TMTC4: variants seen among roughly 807,000 people sequenced by gnomAD.
The protein encoded by TMTC4 is transmembrane O-mannosyltransferase targeting cadherins 4.
In TMTC4, 65 loss-of-function variants were observed where a neutral mutation model predicts 86.0. The ratio of observed to expected loss-of-function variants is 0.76; its 90% CI spans 0.62 to 0.93. The LOEUF (loss-of-function observed/expected upper bound fraction) is 0.93. Ranked by LOEUF, TMTC4 falls within the 40% of genes least tolerant of loss-of-function variation. The probability of loss-of-function intolerance (pLI) is 0.00; values close to 1 mark genes in which losing one functional copy is unlikely to be tolerated. For synonymous variants in TMTC4, 379 were observed against 382.5 expected, an observed-to-expected ratio of 0.99 and a Z score of 0.11; for missense variants, 866 against 948.1, an observed-to-expected ratio of 0.91 and a Z score of 1.14.
intron 12 of TMTC4, among the ~76,000 whole-genome samples, chr13:100,633,622 T>C (rs934398377): frequency 1.3e-5 from 2 of 152,230 alleles, no homozygotes; most frequent in Non-Finnish European, 2.9e-5. Context: ...ACAACAAGGA[T>C]ACATTCTGAG....
chr13:100,673,287 C>T, intron 1 of TMTC4: 3 of 984,910 alleles, frequency 3.0e-6, no homozygotes, highest in Admixed American at 1.2e-4. Context: ...GCCTGGACTG[C>T]GGTAAACAGA....
rs1240855276 is a variant in TMTC4, at chr13:100,668,748, A to T, written c.50T>A (p.Val17Asp). 6.2e-7 allele frequency: 1 copy of T among 1,614,130 alleles called. No homozygotes were observed. Among genetic ancestry groups the T allele is most frequent in the Non-Finnish European group, 8.5e-7 (1 of 1,180,056 alleles). The change falls in exon 3 of 19, where the codon GTT becomes GAT. Residue 17 changes from valine (V) to aspartate (D), a missense_variant. Coordinates refer to ENST00000342624, the MANE Select transcript of TMTC4 (RefSeq NM_032813.5). ...AGTGTCCAACACGGCCATTCTGAAA[A>T]CTGCAGGTTGGTGGCTCCCGGCTCC... ...NAGAGSHQPAVFRMAVLDTDL... is the reference protein window; with the variant it reads ...NAGAGSHQPADFRMAVLDTDL...
chr13:100,612,987 C>G (rs1221645992), intron 16 of TMTC4, among the ~76,000 whole-genome samples: 1 of 152,188 alleles, frequency 6.6e-6, no homozygotes, highest in Non-Finnish European at 1.5e-5. Context: ...TGACACATAA[C>G]TGTACATATT....
chr13:100,607,712 G>T (rs952449878), intron 17 of TMTC4, among the ~76,000 whole-genome samples: 10 of 152,118 alleles, frequency 6.6e-5, no homozygotes, highest in African/African-American at 2.4e-4. Context: ...GTACCCCTGA[G>T]AAATTGGCTG....
At chr13:100,645,444 G>A (rs759291989) in intron 6 of TMTC4, among the ~76,000 whole-genome samples, 1 of 152,198 alleles carries the variant, frequency 6.6e-6, no homozygotes, top group Non-Finnish European at 1.5e-5. Flanking sequence ...ACAGTTAAGA[G>A]AGCAAACACC....
intron 15 of TMTC4, among the ~76,000 whole-genome samples, chr13:100,621,640 T>G (rs1445782243): frequency 6.6e-6 from 1 of 152,314 alleles, no homozygotes; most frequent in South Asian, 2.1e-4. Context: ...TTAGCCAGGA[T>G]GGTCTCGATC....
chr13:100,609,193 C>T lies in TMTC4; in HGVS notation c.2065-2766G>A, dbSNP rs142524994. Among the ~76,000 whole-genome samples the T allele has an allele frequency of 6.2e-4, 94 of 152,254 alleles. 2 individuals are homozygous for T. The highest frequency in any genetic ancestry group is 2.0e-3 in the African/African-American group (81 of 41,538). ...GTGTGGGCCCCACCCTCTAACATACCGGCCAATCTCTCCTTGAAGCTAAGA... is the reference window on the plus strand; with the variant it reads ...GTGTGGGCCCCACCCTCTAACATACTGGCCAATCTCTCCTTGAAGCTAAGA... On this transcript the variant is annotated intron_variant, in intron 17 of 18. Coordinates refer to ENST00000342624, the MANE Select transcript of TMTC4 (RefSeq NM_032813.5).
chr13:100,665,951 A>T (rs1394486309), intron 3 of TMTC4: 2 of 452,048 alleles, frequency 4.4e-6, no homozygotes, highest in Admixed American at 2.4e-5. Flanking sequence ...TGACTCAGTG[A>T]CAAGCCTGGA....
At chr13:100,630,019 C>CTGTGTGTGTGTGTGTGTG (rs377655969) in intron 12 of TMTC4, among the ~76,000 whole-genome samples, 2 of 146,676 alleles carry the variant, frequency 1.4e-5, no homozygotes, top group African/African-American at 5.2e-5. Context: ...GCCACCCAAT[C>CTGTGTGTGTGTGTGTGTG]TGTGTGTATG....
At chr13:100,621,992 C>A (rs575473102) in intron 15 of TMTC4, among the ~76,000 whole-genome samples, 59 of 152,320 alleles carry the variant, frequency 3.9e-4, no homozygotes, top group African/African-American at 1.3e-3. Context: ...ACAGCCTCCC[C>A]TTCCCCCTGG....
intron 5 of TMTC4, 55 bp downstream of exon 5, chr13:100,662,909 G>C: frequency 1.3e-6 from 2 of 1,587,362 alleles, no homozygotes; most frequent in Non-Finnish European, 1.7e-6. Flanking sequence ...GGCGACATGG[G>C]GGTGTCATAT....
In TMTC4 at chr13:100,662,129, G is replaced by T. The variant is rs572670678; in HGVS notation, c.552+835C>A. Among the ~76,000 whole-genome samples, 20 of 151,604 alleles carry T rather than the reference G, an allele frequency of 1.3e-4. No individual in the cohort carries two copies. The South Asian group carries it at 4.0e-3, about 30-fold the overall frequency. ...TCCAGGCCTCCACTGAGGATATGCT[G>T]ATGTATTTGGTGTTGAACTGGAAAG... is the stretch of plus-strand genomic sequence containing the variant. On this transcript the variant is annotated intron_variant, in intron 5 of 18. Coordinates refer to ENST00000342624, the MANE Select transcript of TMTC4 (RefSeq NM_032813.5).
chr13:100,610,964 A>C (rs1283092647), intron 17 of TMTC4, among the ~76,000 whole-genome samples: 1 of 152,228 alleles, frequency 6.6e-6, no homozygotes, highest in Non-Finnish European at 1.5e-5. Flanking sequence ...CTCTTCAAAA[A>C]GCTATTTCTG....
chr13:100,638,386 A>G (rs1364484827), intron 7 of TMTC4: 2 of 167,378 alleles, frequency 1.2e-5, no homozygotes, highest in East Asian at 1.7e-4. Context: ...TTCATGCAAC[A>G]GAGTGTTTTC....
At chr13:100,674,938 A>G (rs1594405787), upstream of TMTC4, 1 of 984,820 alleles carries the variant, frequency 1.0e-6, no homozygotes, top group Non-Finnish European at 1.2e-6. Flanking sequence ...CCTCCGCCCG[A>G]CCATTGGCTG....
chr13:100,662,162 C>T (rs550446471), intron 5 of TMTC4, among the ~76,000 whole-genome samples: 27 of 150,126 alleles, frequency 1.8e-4, no homozygotes, highest in African/African-American at 5.4e-4. Context: ...AAGCGGTGCC[C>T]GTACCCTGCT....
intron 5 of TMTC4, among the ~76,000 whole-genome samples, chr13:100,657,992 CACAA>C (rs1885312088): frequency 2.0e-5 from 3 of 152,096 alleles, no homozygotes; most frequent in South Asian, 2.1e-4. Flanking sequence ...ACCACACACA[CACAA>C]ACACTACCGA....
chr13:100,608,948 G>A (rs1014164287), intron 17 of TMTC4, among the ~76,000 whole-genome samples: 1 of 152,204 alleles, frequency 6.6e-6, no homozygotes, highest in African/African-American at 2.4e-5. Flanking sequence ...TGTATGTCTA[G>A]GCGAGGAAGC....
intron 15 of TMTC4, chr13:100,625,237 C>T (rs187076410): frequency 1.4e-5 from 5 of 348,006 alleles, no homozygotes; most frequent in East Asian, 1.2e-4. Context: ...AGGAAGTTAC[C>T]CATTGGAGTG....
Sources: allele counts gnomAD v4.1 joint callset (sites outside exome capture counted in the v4.1 genomes callset), GRCh38; gene constraint gnomAD v4.1.1; transcripts MANE v1.5; gene names NCBI Gene and HGNC (gene_info 2026-07-23, HGNC 2026-07-21).